The following EYA1 variants were observed in gnomAD, a reference collection of about 807,000 sequenced individuals.
EYA1 encodes the protein protein phosphatase EYA1.
EYA1 carries 16 observed loss-of-function variants against 82.0 expected under a neutral mutation model. The ratio of observed to expected loss-of-function variants is 0.20; its 90% CI spans 0.13 to 0.30. The LOEUF (loss-of-function observed/expected upper bound fraction) is 0.30, where lower values mean the gene tolerates loss of function less well. EYA1 is among the 10% of genes least tolerant of loss of function. The pLI is 1.00. For missense variants in EYA1, 633 were observed against 730.7 expected (o/e 0.87, Z 1.54); for synonymous variants, 261 against 264.4 (o/e 0.99, Z 0.12).
At chr8:71,270,843 G>A (rs763561808) in intron 10 of EYA1, among the ~76,000 whole-genome samples, 9 of 152,226 alleles carry the variant, frequency 5.9e-5, no homozygotes, top group Non-Finnish European at 1.0e-4. Context: ...TTTTATGGCT[G>A]GGCGTGGTGG....
intron 2 of EYA1, among the ~76,000 whole-genome samples, chr8:71,375,262 A>ATATG (rs1828305338): frequency 1.0e-5 from 1 of 95,260 alleles, no homozygotes; most frequent in African/African-American, 5.4e-5. Context: ...TACATCTTAA[A>ATATG]TATATATATA....
intron 12 of EYA1, among the ~76,000 whole-genome samples, chr8:71,219,730 C>T (rs990300940): frequency 2.0e-5 from 3 of 152,038 alleles, no homozygotes; most frequent in African/African-American, 7.2e-5. Context: ...TGCAATATTC[C>T]ACAGCAGAAC....
intron 2 of EYA1, among the ~76,000 whole-genome samples, chr8:71,408,271 C>G (rs1297554940): frequency 6.6e-6 from 1 of 151,976 alleles, no homozygotes; most frequent in Non-Finnish European, 1.5e-5. Flanking sequence ...CAAAATCATG[C>G]CAAAATGTAA....
chr8:71,422,533 T>C (rs1831198775), intron 2 of EYA1, among the ~76,000 whole-genome samples: 1 of 152,188 alleles, frequency 6.6e-6, no homozygotes, highest in Admixed American at 6.5e-5. Context: ...AAGGCACTTA[T>C]CTACAGATAC....
chr8:71,315,373 C>T (rs1821806235), intron 7 of EYA1, among the ~76,000 whole-genome samples: 2 of 152,166 alleles, frequency 1.3e-5, no homozygotes, highest in Admixed American at 6.5e-5. Context: ...TGTGGATGGG[C>T]GCAGGCCCAG....
intron 2 of EYA1, among the ~76,000 whole-genome samples, chr8:71,520,338 G>C (rs1348054121): frequency 6.6e-6 from 1 of 150,618 alleles, no homozygotes; most frequent in African/African-American, 2.5e-5. Context: ...TTATCCTTAA[G>C]GAAGAGAAGT....
At chr8:71,297,923 G>T (rs551039374) in intron 9 of EYA1, among the ~76,000 whole-genome samples, 1 of 152,104 alleles carries the variant, frequency 6.6e-6, no homozygotes, top group East Asian at 1.9e-4. Flanking sequence ...GTTAAAATGT[G>T]CAGCAGAAAT....
At chr8:71,207,960 T>C (rs1272016047) in intron 17 of EYA1, among the ~76,000 whole-genome samples, 1 of 152,228 alleles carries the variant, frequency 6.6e-6, no homozygotes, top group Non-Finnish European at 1.5e-5. Context: ...AAGTGTTTTA[T>C]TGGGTTGTTC....
chr8:71,437,915 A>C (rs1806127445), intron 2 of EYA1, among the ~76,000 whole-genome samples: 1 of 152,152 alleles, frequency 6.6e-6, no homozygotes, highest in Non-Finnish European at 1.5e-5. Context: ...TCAATTTGAG[A>C]ATCAAAGTAT....
chr8:71,326,050 C>T (rs908444795), intron 4 of EYA1, among the ~76,000 whole-genome samples: 3 of 152,144 alleles, frequency 2.0e-5, no homozygotes, highest in Non-Finnish European at 2.9e-5. Flanking sequence ...ATTACATATG[C>T]CACAGAGCCT....
intron 2 of EYA1, among the ~76,000 whole-genome samples, chr8:71,464,485 A>C (rs1300442518): frequency 2.6e-5 from 4 of 152,238 alleles, no homozygotes; most frequent in Admixed American, 1.3e-4. Flanking sequence ...GGTAAAGGGC[A>C]CTACTGAGCC....
At chr8:71,454,894 G>C (rs890209853) in intron 2 of EYA1, among the ~76,000 whole-genome samples, 3 of 152,172 alleles carry the variant, frequency 2.0e-5, no homozygotes, top group Non-Finnish European at 4.4e-5. Context: ...TCAAAAGCTA[G>C]CAGAAGGCAA....
At chr8:71,348,372 G>A (rs1014046834) in intron 3 of EYA1, among the ~76,000 whole-genome samples, 2 of 152,204 alleles carry the variant, frequency 1.3e-5, no homozygotes, top group South Asian at 2.1e-4. Context: ...TATCTCCCAG[G>A]AGGGAACCAG....
At chr8:71,500,510 A>T (rs185739261) in intron 2 of EYA1, among the ~76,000 whole-genome samples, 18 of 151,786 alleles carry the variant, frequency 1.2e-4, no homozygotes, top group African/African-American at 4.3e-4. Context: ...CCTCCTTTTG[A>T]CTCTCTATTT....
chr8:71,372,714 A>G (rs1439849909), intron 2 of EYA1, among the ~76,000 whole-genome samples: 4 of 152,098 alleles, frequency 2.6e-5, no homozygotes, highest in Admixed American at 6.6e-5. Flanking sequence ...CAAATAGGGG[A>G]GAGCACAGAA....
At chr8:71,268,377 C>T (rs1816123484) in intron 11 of EYA1, among the ~76,000 whole-genome samples, 1 of 152,162 alleles carries the variant, frequency 6.6e-6, no homozygotes, top group Non-Finnish European at 1.5e-5. Flanking sequence ...CTACTAACTA[C>T]ATGTTGATAT....
chr8:71,448,978 A>G (rs1807129432), intron 2 of EYA1: 1 of 166,518 alleles, frequency 6.0e-6, no homozygotes, highest in African/African-American at 2.4e-5. Context: ...ATGAAGCATA[A>G]TAAAAAAATG....
chr8:71,301,784 G>A (rs1820224370), intron 7 of EYA1, among the ~76,000 whole-genome samples: 1 of 152,112 alleles, frequency 6.6e-6, no homozygotes, highest in African/African-American at 2.4e-5. Flanking sequence ...ATGTTCATTT[G>A]CATGTGGTAA....
At chr8:71,200,992 A>C (rs997893556) in intron 17 of EYA1, among the ~76,000 whole-genome samples, 3 of 145,094 alleles carry the variant, frequency 2.1e-5, no homozygotes, top group African/African-American at 7.8e-5. Flanking sequence ...ACAGAAAATA[A>C]TGGAGAAATT....
Sources: gnomAD v4.1 joint callset for allele counts (sites outside exome capture counted in the v4.1 genomes callset) on GRCh38, gnomAD v4.1.1 for gene constraint, MANE v1.5 for transcripts, NCBI Gene and HGNC (gene_info 2026-07-23, HGNC 2026-07-21) for gene names.